The following BFAR variants were observed in gnomAD, a reference collection of about 807,000 sequenced individuals.
BFAR encodes the protein bifunctional apoptosis regulator.
BFAR carries 52 observed loss-of-function variants against 54.4 expected under a neutral mutation model. The ratio of observed to expected loss-of-function variants is 0.96; its 90% CI spans 0.77 to 1.21. The LOEUF is 1.21. Ranked by LOEUF, BFAR falls within the 50% of genes most tolerant of loss-of-function variation. The pLI, the probability that BFAR is intolerant of heterozygous loss-of-function variation, is 0.00. For missense variants in BFAR, 571 were observed against 534.0 expected, an observed-to-expected ratio of 1.07 and a Z score of -0.68; for synonymous variants, 215 against 204.3, an observed-to-expected ratio of 1.05 and a Z score of -0.45.
At chr16:14,657,188 G>A (rs963830708) in intron 5 of BFAR, among the ~76,000 whole-genome samples, 4 of 152,052 alleles carry the variant, frequency 2.6e-5, no homozygotes, top group Non-Finnish European at 2.9e-5. Flanking sequence ...AAGAATGTGC[G>A]TGGAGCTCCT....
chr16:14,658,257 G>A (rs781710923), intron 5 of BFAR, among the ~76,000 whole-genome samples: 4 of 152,122 alleles, frequency 2.6e-5, no homozygotes, highest in African/African-American at 4.8e-5. Flanking sequence ...AGATTGGTTC[G>A]ATCAGGTATG....
At chr16:14,659,233 T>C (rs1026603161) in intron 5 of BFAR, among the ~76,000 whole-genome samples, 1 of 148,404 alleles carries the variant, frequency 6.7e-6, no homozygotes, top group African/African-American at 2.5e-5. Flanking sequence ...TGGTTTTTTT[T>C]GTTTTTTTTT....
At chr16:14,663,895 A>G (rs1267751722) in intron 6 of BFAR, among the ~76,000 whole-genome samples, 2 of 151,896 alleles carry the variant, frequency 1.3e-5, no homozygotes, top group Non-Finnish European at 1.5e-5. Context: ...GAGCTTCCAC[A>G]ATTATATGAC....
At chr16:14,664,836 A>T (rs367892454) in intron 6 of BFAR, 33 bp from the exon 7 acceptor site, 50 of 1,578,990 alleles carry the variant, frequency 3.2e-5, no homozygotes, top group Non-Finnish European at 4.3e-5. Flanking sequence ...GTCAGTCCTC[A>T]TGACTTTTTG....
At chr16:14,661,450 G>A (rs1960285469) in intron 5 of BFAR, among the ~76,000 whole-genome samples, 1 of 120,454 alleles carries the variant, frequency 8.3e-6, no homozygotes, top group East Asian at 2.6e-4. Flanking sequence ...TGCATAGGCT[G>A]GAGTGCAGTG....
chr16:14,645,689 A>T (rs1056415971), intron 2 of BFAR, among the ~76,000 whole-genome samples: 3 of 152,238 alleles, frequency 2.0e-5, no homozygotes, highest in Non-Finnish European at 4.4e-5. Context: ...GCTGAAGGTT[A>T]AATTTAATCT....
At chr16:14,662,669 A>G (rs946235203) in intron 6 of BFAR, among the ~76,000 whole-genome samples, 1 of 152,012 alleles carries the variant, frequency 6.6e-6, no homozygotes, top group Non-Finnish European at 1.5e-5. Flanking sequence ...ACAGGCGAGC[A>G]CCACCACCCA....
chr16:14,645,111 T>A (rs1322330141), intron 2 of BFAR, among the ~76,000 whole-genome samples: 1 of 152,138 alleles, frequency 6.6e-6, no homozygotes, highest in East Asian at 1.9e-4. Flanking sequence ...ACCAGGAATT[T>A]AGAAGCATCC....
intron 2 of BFAR, among the ~76,000 whole-genome samples, chr16:14,647,311 C>A (rs1959828507): frequency 1.3e-5 from 2 of 151,992 alleles, no homozygotes; most frequent in African/African-American, 4.8e-5. Context: ...TCTGGAACTC[C>A]TGACCTTAAG....
At chr16:14,644,890 A>T (rs915471155) in intron 2 of BFAR, among the ~76,000 whole-genome samples, 2 of 152,172 alleles carry the variant, frequency 1.3e-5, no homozygotes, top group Admixed American at 1.3e-4. Context: ...ATCTTCTGGA[A>T]TATGAGTCAG....
chr16:14,647,841 G>T (rs1294945364), intron 2 of BFAR, among the ~76,000 whole-genome samples: 1 of 152,154 alleles, frequency 6.6e-6, no homozygotes, highest in Admixed American at 6.5e-5. Flanking sequence ...ATTTAAAATT[G>T]TGATACTTCA....
intron 4 of BFAR, among the ~76,000 whole-genome samples, chr16:14,654,201 C>T (rs1378212357): frequency 6.6e-6 from 1 of 151,494 alleles, no homozygotes; most frequent in Non-Finnish European, 1.5e-5. Flanking sequence ...TCAGTAGAGA[C>T]GGGGTTTCAC....
Position 14,655,097 on chromosome 16 carries a change from T to A in BFAR, c.670T>A (p.Ser224Thr). The A allele has an allele frequency of 6.2e-7, 1 of 1,610,114 alleles. No homozygotes were observed. Among genetic ancestry groups the A allele is most frequent in the Non-Finnish European group, 8.5e-7 (1 of 1,178,632 alleles). Residue 224 changes from serine (S) to threonine (T), a missense_variant, in exon 5 of 8, where the codon TCC (serine) becomes ACC (threonine). Ser to Thr is a moderately conservative substitution (Grantham distance 58). Transcript: ENST00000261658. ...TTTAACTTTGACAGAGGAAGAATTT[T>A]CCAAGACGCCCTATACCATAGAAAA... ...LLLTLTEEEFSKTPYTIENSS... is the reference protein window; with the variant it reads ...LLLTLTEEEFTKTPYTIENSS...
intron 7 of BFAR, among the ~76,000 whole-genome samples, chr16:14,665,701 C>T (rs1334993518): frequency 1.1e-4 from 16 of 152,072 alleles, no homozygotes; most frequent in Non-Finnish European, 2.4e-4. Context: ...ACGTGATGTA[C>T]GTGCTCTTAC....
At position 14,654,995 on chromosome 16, in the gene BFAR, G is replaced by A; in HGVS notation, c.639-71G>A. 3.7e-6 allele frequency: 5 copies of A among 1,369,724 alleles called. No homozygotes were observed. The South Asian group carries it at 7.0e-5, about 19-fold the overall frequency. 84.8% of individuals were successfully genotyped at this position (1,369,724 alleles called of 1,614,324 possible). On this transcript the variant is annotated intron_variant, in intron 4 of 7. Coordinates refer to ENST00000261658, the MANE Select transcript of BFAR (RefSeq NM_016561.3). Reference sequence around the variant, plus strand: ...CCTACAATATTTATATTAGTAAGATGGAACTCTGAGTGTAGAGAGTTTGCT... The same window carrying A: ...CCTACAATATTTATATTAGTAAGATAGAACTCTGAGTGTAGAGAGTTTGCT...
chr16:14,633,568 C>T (rs906471731), intron 1 of BFAR: 1 of 152,288 alleles, frequency 6.6e-6, no homozygotes, highest in Non-Finnish European at 1.5e-5. Flanking sequence ...AGTGAAATCC[C>T]AAAGTCACAC....
chr16:14,641,727 G>A (rs1596968038), intron 1 of BFAR, among the ~76,000 whole-genome samples: 1 of 151,946 alleles, frequency 6.6e-6, no homozygotes, highest in African/African-American at 2.4e-5. Context: ...CAGATGTGGT[G>A]GTGCCTGCCT....
intron 4 of BFAR, chr16:14,650,468 G>A (rs1959937525): frequency 6.6e-6 from 1 of 152,280 alleles, no homozygotes; most frequent in Non-Finnish European, 1.5e-5. Flanking sequence ...CTAAAAGAAA[G>A]CTTTTACCCT....
intron 7 of BFAR, chr16:14,667,429 G>A (rs1172364164): frequency 1.5e-5 from 8 of 532,664 alleles, no homozygotes; most frequent in South Asian, 6.6e-5. Context: ...CAGTGTGGGG[G>A]CAAAGAAGCT....
Sources: allele counts gnomAD v4.1 joint callset (sites outside exome capture counted in the v4.1 genomes callset), GRCh38; gene constraint gnomAD v4.1.1; transcripts MANE v1.5; gene names NCBI Gene and HGNC (gene_info 2026-07-23, HGNC 2026-07-21).